Variants in SASS6 observed in about 807,000 individuals in gnomAD.
SASS6 encodes the protein SAS-6 centriolar assembly protein, also known as spindle assembly abnormal protein 6 homolog.
SASS6 carries 59 observed loss-of-function variants against 94.9 expected under a neutral mutation model. The ratio of observed to expected loss-of-function variants is 0.62; its 90% CI spans 0.50 to 0.77. The LOEUF (loss-of-function observed/expected upper bound fraction) is 0.77. SASS6 is among the 30% of genes least tolerant of loss of function. The pLI, the probability that SASS6 is intolerant of heterozygous loss-of-function variation, is 0.00. For synonymous variants in SASS6, 264 were observed against 270.0 expected (o/e 0.98, Z 0.22); for missense variants, 698 against 734.1 (o/e 0.95, Z 0.57).
At chr1:100,128,633 C>A (rs1413130049) in intron 1 of SASS6, among the ~76,000 whole-genome samples, 1 of 152,126 alleles carries the variant, frequency 6.6e-6, no homozygotes, top group African/African-American at 2.4e-5. Context: ...TAACTAAAAT[C>A]ACAAATCTTA....
chr1:100,121,856 A>C (rs1654224220), intron 4 of SASS6, among the ~76,000 whole-genome samples: 2 of 152,230 alleles, frequency 1.3e-5, no homozygotes, highest in African/African-American at 4.8e-5. Flanking sequence ...TGCAAGAATT[A>C]AGCATTTATC....
chr1:100,118,181 G>A (rs1243278729), intron 7 of SASS6, among the ~76,000 whole-genome samples: 2 of 152,122 alleles, frequency 1.3e-5, no homozygotes, highest in Non-Finnish European at 2.9e-5. Context: ...TGGGCATGGT[G>A]GCACATGCCT....
Position 100,107,880 on chromosome 1 carries a change from T to G in SASS6, c.986A>C (p.Gln329Pro). The G allele has an allele frequency of 6.2e-7, 1 of 1,613,148 alleles. No individual in the cohort carries two copies. The highest frequency in any genetic ancestry group is 8.5e-7 in the Non-Finnish European group (1 of 1,179,250). ...AAGCTGGTCCTTATCCTTGATTTCC[T>G]GTTCTAAAACTGCCACTTTTGTTTG... ...QLQTKVAVLE[Q>P]EIKDKDQLVL... The change falls in exon 9 of 17, where the codon CAG becomes CCG. Residue 329 changes from glutamine to proline, a missense_variant. By Grantham distance (76) the Gln-to-Pro change is moderately conservative. Coordinates refer to ENST00000287482, the MANE Select transcript of SASS6 (RefSeq NM_194292.3).
chr1:100,123,096 T>A, intron 3 of SASS6, 114 bp downstream of exon 3: 1 of 546,918 alleles, frequency 1.8e-6, no homozygotes, highest in Non-Finnish European at 3.3e-6. Flanking sequence ...TAGCCCAATA[T>A]TCCCAAAGTA....
intron 7 of SASS6, among the ~76,000 whole-genome samples, chr1:100,117,087 A>G (rs1005534288): frequency 4.0e-5 from 6 of 151,844 alleles, no homozygotes; most frequent in Non-Finnish European, 7.4e-5. Context: ...TAAGGTCAGG[A>G]GTTCGAGACC....
intron 13 of SASS6, among the ~76,000 whole-genome samples, chr1:100,104,926 C>T (rs1652778022): frequency 6.6e-6 from 1 of 152,032 alleles, no homozygotes. Context: ...GCACTCCAGC[C>T]TCGGCAACAG....
At position 100,084,815 on chromosome 1, in the gene SASS6, TTAAGG is replaced by T. The variant is rs1277583106; in HGVS notation, c.*508_*512del. Reference sequence around the variant, plus strand: ...TGAAGGCTTAATTCATTTCAGTTATTTAAGGTAAATTTAGGACTTTTCCCTTTAAA... The same window carrying T: ...TGAAGGCTTAATTCATTTCAGTTATTTAAATTTAGGACTTTTCCCTTTAAA... On this transcript the variant is annotated 3_prime_UTR_variant, in exon 17 of 17. Coordinates refer to ENST00000287482, the MANE Select transcript of SASS6 (RefSeq NM_194292.3). The T allele has an allele frequency of 6.6e-6, 1 of 152,312 alleles. No individual in the cohort carries two copies. Among genetic ancestry groups the T allele is most frequent in the African/African-American group, 2.4e-5 (1 of 41,456 alleles). The allele number at this position is 152,312 out of a possible 1,614,324, so 9.4% of individuals were successfully genotyped here. A position where few individuals can be genotyped will look rare whatever the true frequency, so the allele number is the denominator to read the frequency against.
rs779692640 is a variant in SASS6, at chr1:100,107,360, A to T, written c.1326+14T>A. The T allele has an allele frequency of 2.0e-6, 3 of 1,516,892 alleles. No individual in the cohort carries two copies. The highest frequency in any genetic ancestry group is 4.5e-5 in the East Asian group (2 of 44,034). 94.0% of individuals were successfully genotyped at this position (1,516,892 alleles called of 1,614,324 possible). A position where few individuals can be genotyped will look rare whatever the true frequency, so the allele number is the denominator to read the frequency against. On this transcript the variant is annotated intron_variant, in intron 11 of 16. Coordinates refer to ENST00000287482, the MANE Select transcript of SASS6 (RefSeq NM_194292.3). ...AAATTTAGTTACAACATAAAAATTT[A>T]AAATATTAACTACCTCTTGCTCTTT... is the stretch of plus-strand genomic sequence containing the variant.
intron 1 of SASS6, among the ~76,000 whole-genome samples, chr1:100,127,677 T>C (rs962096587): frequency 6.6e-6 from 1 of 152,194 alleles, no homozygotes; most frequent in Non-Finnish European, 1.5e-5. Context: ...GATTAGAGTG[T>C]TACTCCAATT....
chr1:100,132,913 C>T lies in SASS6; in HGVS notation c.-99G>A. On this transcript the variant is annotated 5_prime_UTR_variant, in exon 1 of 17. Transcript: ENST00000287482. ...GGGTCCTGATAAAGTTTGAGTTTGG[C>T]GCTCGGCTTCTGCGGAGGAGGCGGG... 1 of 1,215,758 alleles carries T rather than the reference C, an allele frequency of 8.2e-7. No individual in the cohort carries two copies. Among genetic ancestry groups the T allele is most frequent in the Non-Finnish European group, 1.2e-6 (1 of 835,734 alleles). The allele number at this position is 1,215,758 out of a possible 1,614,324, so 75.3% of individuals were successfully genotyped here.
At chr1:100,098,228 A>G (rs1435067250) in intron 14 of SASS6, among the ~76,000 whole-genome samples, 2 of 152,188 alleles carry the variant, frequency 1.3e-5, no homozygotes, top group Non-Finnish European at 2.9e-5. Context: ...GAACACTTAT[A>G]AAACCATTTT....
At chr1:100,128,027 T>G (rs1570714007) in intron 1 of SASS6, among the ~76,000 whole-genome samples, 2 of 152,154 alleles carry the variant, frequency 1.3e-5, no homozygotes, top group East Asian at 1.9e-4. Flanking sequence ...TATTTTTATT[T>G]TAATTATTTA....
intron 7 of SASS6, among the ~76,000 whole-genome samples, chr1:100,113,252 C>A (rs966980008): frequency 2.0e-5 from 3 of 152,206 alleles, no homozygotes; most frequent in Admixed American, 6.5e-5. Context: ...CAGTAACAAA[C>A]TTGCACATGT....
rs964878525 is a variant in SASS6, at chr1:100,120,394, C to T, written c.549G>A (p.Lys183=). The change falls in exon 6 of 17, where the codon AAG becomes AAA. Residue 183 remains lysine (K), a splice_region_variant and synonymous_variant. Transcript: ENST00000287482. ...AAAGACAAAATGAAATTTGAATTAC[C>T]TTTCGTGTAAAGTCCAGTTGCTTAG... The part of the protein sequence containing the change: ...DATKQLDFTR[K]TLAEKKQELD... 1.4e-6 allele frequency: 2 copies of T among 1,477,644 alleles called. No individual in the cohort carries two copies. The highest frequency in any genetic ancestry group is 9.5e-7 in the Non-Finnish European group (1 of 1,057,890). 91.5% of individuals were successfully genotyped at this position (1,477,644 alleles called of 1,614,324 possible).
intron 14 of SASS6, among the ~76,000 whole-genome samples, chr1:100,099,653 GT>G (rs1429665041): frequency 6.6e-6 from 1 of 152,122 alleles, no homozygotes. Context: ...TTTCCATTCT[GT>G]TGCAGACTCA....
chr1:100,107,709 T>C lies in SASS6; in HGVS notation c.1065A>G (p.Leu355=). ...CTTGATTTTTCTCACCATTTTCTTCTAAAACCACCTGATATATTTTTTAAA... is the reference window on the plus strand; with the variant it reads ...CTTGATTTTTCTCACCATTTTCTTCCAAAACCACCTGATATATTTTTTAAA... ...FDTIQEQKVV[L]EENGEKNQVQ... is the part of the protein sequence containing the mutation. Residue 355 remains leucine (L), a synonymous_variant, in exon 10 of 17, where the codon TTA becomes TTG. Coordinates refer to ENST00000287482, the MANE Select transcript of SASS6 (RefSeq NM_194292.3). The C allele has an allele frequency of 1.3e-6, 2 of 1,595,314 alleles. No individual in the cohort carries two copies. Among genetic ancestry groups the C allele is most frequent in the Non-Finnish European group, 8.6e-7 (1 of 1,166,850 alleles).
chr1:100,108,763 A>C (rs902353513), intron 8 of SASS6, among the ~76,000 whole-genome samples: 2 of 152,086 alleles, frequency 1.3e-5, no homozygotes, highest in Non-Finnish European at 1.5e-5. Flanking sequence ...GTAATTACTG[A>C]AACTCCCTAA....
chr1:100,091,290 C>G (rs959515124), intron 14 of SASS6, among the ~76,000 whole-genome samples: 4 of 151,992 alleles, frequency 2.6e-5, no homozygotes, highest in African/African-American at 9.7e-5. Flanking sequence ...GAGTGAAACT[C>G]TTTTGAAAAA....
At chr1:100,123,946 A>G (rs1322853035) in intron 2 of SASS6, among the ~76,000 whole-genome samples, 2 of 152,232 alleles carry the variant, frequency 1.3e-5, no homozygotes, top group Non-Finnish European at 2.9e-5. Context: ...AGAGCTCACA[A>G]AAAGTACACC....
Sources: allele counts gnomAD v4.1 joint callset (sites outside exome capture counted in the v4.1 genomes callset), GRCh38; gene constraint gnomAD v4.1.1; transcripts MANE v1.5; gene names NCBI Gene and HGNC (gene_info 2026-07-23, HGNC 2026-07-21).